SCHIP1: variants seen among roughly 807,000 people sequenced by gnomAD.
The protein encoded by SCHIP1 is schwannomin-interacting protein 1.
SCHIP1 carries 8 observed loss-of-function variants against 29.7 expected under a neutral mutation model. That is an observed-to-expected ratio of 0.27 (90% confidence interval 0.16 to 0.49). The LOEUF is 0.49. Among genes scored for constraint, SCHIP1 ranks in the 20% least tolerant of loss-of-function variants. The pLI is 0.99. For synonymous variants in SCHIP1, 76 were observed against 94.9 expected (o/e 0.80, Z 1.16); for missense variants, 193 against 294.6 (o/e 0.66, Z 2.52).
At chr3:159,473,674 G>GAAAAA in the SCHIP1 span, among the ~76,000 whole-genome samples, 1,089 of 79,944 alleles carry the variant, frequency 0.014, no homozygotes, top group Non-Finnish European at 0.017. Context: ...ATGTAACTAC[G>GAAAAA]AAAAAAAAAA....
the SCHIP1 span, among the ~76,000 whole-genome samples, chr3:159,383,730 C>A: frequency 2.1e-5 from 3 of 143,180 alleles, no homozygotes; most frequent in Non-Finnish European, 4.6e-5. Context: ...TTGATTCTTC[C>A]TACCCATGAG....
At chr3:159,523,192 T>C in the SCHIP1 span, among the ~76,000 whole-genome samples, 1 of 152,208 alleles carries the variant, frequency 6.6e-6, no homozygotes, top group Non-Finnish European at 1.5e-5. Context: ...TTCTTAAACA[T>C]AACCATACTC....
At chr3:159,350,622 T>C in the SCHIP1 span, among the ~76,000 whole-genome samples, 1 of 152,180 alleles carries the variant, frequency 6.6e-6, no homozygotes, top group Non-Finnish European at 1.5e-5. Context: ...CTGATGCTTT[T>C]TTAAAATAAA....
the SCHIP1 span, among the ~76,000 whole-genome samples, chr3:159,611,333 G>A: frequency 1.3e-5 from 2 of 152,074 alleles, no homozygotes; most frequent in Non-Finnish European, 2.9e-5. Context: ...ACGAGCTCTT[G>A]CAATACTATG....
the SCHIP1 span, among the ~76,000 whole-genome samples, chr3:159,605,642 C>T: frequency 6.2e-4 from 95 of 152,014 alleles, no homozygotes; most frequent in African/African-American, 2.2e-3. Context: ...CCTAAAAATG[C>T]AATCAAATGG....
chr3:159,666,393 C>T, the SCHIP1 span, among the ~76,000 whole-genome samples: 6 of 152,176 alleles, frequency 3.9e-5, no homozygotes, highest in Non-Finnish European at 5.9e-5. Context: ...TTTTCTATAA[C>T]GGTGCTATCA....
At chr3:159,316,167 G>C in the SCHIP1 span, among the ~76,000 whole-genome samples, 1 of 151,946 alleles carries the variant, frequency 6.6e-6, no homozygotes, top group Non-Finnish European at 1.5e-5. Flanking sequence ...GGTTCTCTTA[G>C]AGCGACAGAA....
chr3:159,763,348 G>T, the SCHIP1 span, among the ~76,000 whole-genome samples: 5 of 152,140 alleles, frequency 3.3e-5, no homozygotes, highest in African/African-American at 1.2e-4. Context: ...GCGTGGAATA[G>T]GAGGCGCCAG....
At chr3:159,434,823 T>C in the SCHIP1 span, among the ~76,000 whole-genome samples, 3,180 of 152,260 alleles carry the variant, frequency 0.021, 54 homozygotes, top group Middle Eastern at 0.092. Context: ...CTGGCTACTC[T>C]TACTCTTCTT....
chr3:159,794,952 C>G, the SCHIP1 span, among the ~76,000 whole-genome samples: 8 of 152,104 alleles, frequency 5.3e-5, no homozygotes, highest in Non-Finnish European at 8.8e-5. Flanking sequence ...GGACCCACTC[C>G]TAGAGATTCT....
the SCHIP1 span, among the ~76,000 whole-genome samples, chr3:159,703,851 G>A: frequency 6.6e-6 from 1 of 152,180 alleles, no homozygotes; most frequent in African/African-American, 2.4e-5. Context: ...TTGCCTCTGT[G>A]TTTTGCAAGT....
At chr3:159,857,382 A>C in intron 1 of SCHIP1, among the ~76,000 whole-genome samples, 1 of 152,064 alleles carries the variant, frequency 6.6e-6, no homozygotes, top group Non-Finnish European at 1.5e-5. Flanking sequence ...TCTCCTCGCT[A>C]GTTGCCTTAG....
At chr3:159,306,559 A>AAAATG in the SCHIP1 span, 2 of 893,476 alleles carry the variant, frequency 2.2e-6, no homozygotes, top group African/African-American at 3.6e-5. Flanking sequence ...CTAGAATTAT[A>AAAATG]CTGAGCGCCT....
At chr3:159,547,934 AATC>A in the SCHIP1 span, among the ~76,000 whole-genome samples, 2 of 152,214 alleles carry the variant, frequency 1.3e-5, no homozygotes, top group Non-Finnish European at 2.9e-5. Flanking sequence ...CTATTAAAAT[AATC>A]ATATGATTTT....
the SCHIP1 span, among the ~76,000 whole-genome samples, chr3:159,612,652 CAGG>C: frequency 6.6e-6 from 1 of 152,136 alleles, no homozygotes; most frequent in Non-Finnish European, 1.5e-5. Context: ...GAGGCTGAGG[CAGG>C]AGAATTGCTT....
chr3:159,660,202 C>T, the SCHIP1 span, among the ~76,000 whole-genome samples: 1 of 152,032 alleles, frequency 6.6e-6, no homozygotes, highest in Admixed American at 6.6e-5. Flanking sequence ...GCCCTCTCTC[C>T]TTATCTCTAC....
At chr3:159,643,013 A>G in the SCHIP1 span, among the ~76,000 whole-genome samples, 2 of 151,958 alleles carry the variant, frequency 1.3e-5, no homozygotes, top group East Asian at 3.9e-4. Context: ...CATGAAGAAG[A>G]GTGGTAGTCA....
the SCHIP1 span, among the ~76,000 whole-genome samples, chr3:159,306,274 T>C: frequency 0.02 from 2,965 of 151,222 alleles, 115 homozygotes; most frequent in African/African-American, 0.069. Context: ...CCAATTTCTA[T>C]AGTGAAATAC....
the SCHIP1 span, among the ~76,000 whole-genome samples, chr3:159,323,944 A>C: frequency 1.3e-5 from 2 of 152,250 alleles, no homozygotes; most frequent in Admixed American, 1.3e-4. Context: ...AGGGACCAAA[A>C]AATAGAGAAA....
Sources: gnomAD v4.1 joint callset for allele counts (sites outside exome capture counted in the v4.1 genomes callset) on GRCh38, gnomAD v4.1.1 for gene constraint, MANE v1.5 for transcripts, NCBI Gene and HGNC (gene_info 2026-07-23, HGNC 2026-07-21) for gene names.